Variants in DISC1 observed in about 807,000 individuals in gnomAD.
DISC1 encodes disrupted in schizophrenia 1 protein.
In DISC1, 57 loss-of-function variants were observed where a neutral mutation model predicts 84.5. The ratio of observed to expected loss-of-function variants is 0.67; its 90% CI spans 0.55 to 0.84. DISC1 has a LOEUF of 0.84. Among genes scored for constraint, DISC1 ranks in the 40% least tolerant of loss-of-function variants. DISC1 has a pLI of 0.00. For missense variants in DISC1, 1,000 were observed against 1,057.8 expected (o/e 0.95, Z 0.76); for synonymous variants, 411 against 415.2 (o/e 0.99, Z 0.12).
At chr1:231,769,994 G>T (rs1573664727) in intron 5 of DISC1, among the ~76,000 whole-genome samples, 1 of 152,128 alleles carries the variant, frequency 6.6e-6, no homozygotes, top group Non-Finnish European at 1.5e-5. Context: ...CTTGAAGTGG[G>T]TTCAGGAGGT....
At chr1:231,913,176 A>G (rs2089382628) in intron 9 of DISC1, among the ~76,000 whole-genome samples, 1 of 152,122 alleles carries the variant, frequency 6.6e-6, no homozygotes, top group Admixed American at 6.5e-5. Flanking sequence ...CTTCCCAAAA[A>G]AGCATCTTGT....
At position 231,675,517 on chromosome 1, in the gene DISC1, C is replaced by G. The variant is rs2063055418; in HGVS notation, c.68-18309C>G. Among the ~76,000 whole-genome samples, 1 of 152,162 alleles carries G rather than the reference C, an allele frequency of 6.6e-6. No individual in the cohort carries two copies. Among genetic ancestry groups the G allele is most frequent in the African/African-American group, 2.4e-5 (1 of 41,428 alleles). On this transcript the variant is annotated intron_variant, in intron 1 of 12. Coordinates refer to ENST00000439617, the MANE Select transcript of DISC1 (RefSeq NM_018662.3). The surrounding 1 kb of genome is among the most constrained non-coding windows in gnomAD (Gnocchi z 4.1). ...AGATAGAGATGCTATTTGTACATTT[C>G]TCCCTCATACATGTACATTTACTCT...
chr1:231,878,652 T>C (rs927368569), intron 9 of DISC1, among the ~76,000 whole-genome samples: 4 of 151,940 alleles, frequency 2.6e-5, no homozygotes, highest in Non-Finnish European at 2.9e-5. Flanking sequence ...TTTACTGGAG[T>C]GTAATATGCA....
chr1:231,912,486 C>T (rs2089287810), intron 9 of DISC1, among the ~76,000 whole-genome samples: 1 of 152,128 alleles, frequency 6.6e-6, no homozygotes, highest in African/African-American at 2.4e-5. Context: ...GCAGAGGCTG[C>T]AGAACAGCAA....
intron 9 of DISC1, among the ~76,000 whole-genome samples, chr1:231,833,419 C>T (rs987970119): frequency 6.6e-6 from 1 of 151,628 alleles, no homozygotes; most frequent in Non-Finnish European, 1.5e-5. Flanking sequence ...ACCCAAATCT[C>T]GGCATCCATG....
intron 9 of DISC1, among the ~76,000 whole-genome samples, chr1:231,850,513 CAG>C (rs1394545583): frequency 2.0e-5 from 3 of 152,196 alleles, no homozygotes; most frequent in African/African-American, 7.2e-5. Context: ...TAGAACCTGA[CAG>C]GGAATGTTCT....
intron 9 of DISC1, among the ~76,000 whole-genome samples, chr1:231,921,237 G>C (rs763324023): frequency 6.6e-6 from 1 of 152,058 alleles, no homozygotes; most frequent in African/African-American, 2.4e-5. Flanking sequence ...TCTTTGCTTG[G>C]GCACTGGCTC....
intron 6 of DISC1, among the ~76,000 whole-genome samples, chr1:231,778,961 C>G (rs1052116526): frequency 1.3e-5 from 2 of 152,114 alleles, no homozygotes; most frequent in Admixed American, 6.5e-5. Flanking sequence ...GTAGCTTAGA[C>G]ATAACAACAG....
In DISC1 at chr1:231,693,831, C is replaced by G; in HGVS notation, c.73C>G (p.Arg25Gly). ...GGGVSHRAGS[R>G]DCLPPAACFR... ...GTTTTTTCTTTTCTTCCCAGGCAGC[C>G]GGGATTGCTTACCACCTGCAGCGTG... Residue 25 changes from arginine to glycine, a missense_variant, in exon 2 of 13, where the codon CGG becomes GGG. Physicochemically the swap from Arg to Gly is moderately radical, Grantham distance 125. Transcript: ENST00000439617. The G allele has an allele frequency of 6.2e-7, 1 of 1,613,464 alleles. No homozygotes were observed.
chr1:231,871,083 C>T (rs532929574), intron 9 of DISC1, among the ~76,000 whole-genome samples: 3 of 152,238 alleles, frequency 2.0e-5, no homozygotes, highest in South Asian at 2.1e-4. Flanking sequence ...GTGCGGGTCT[C>T]CACTTCTCAA....
intron 10 of DISC1, among the ~76,000 whole-genome samples, chr1:231,990,826 C>T (rs1665104496): frequency 6.6e-6 from 1 of 152,222 alleles, no homozygotes; most frequent in South Asian, 2.1e-4. Flanking sequence ...TTTCCCTTCT[C>T]CTGCTCCTAA....
chr1:231,878,755 C>A (rs1250028970), intron 9 of DISC1, among the ~76,000 whole-genome samples: 1 of 152,094 alleles, frequency 6.6e-6, no homozygotes, highest in Non-Finnish European at 1.5e-5. Context: ...ACATTATTAA[C>A]CCCCCAAAAG....
At chr1:231,841,110 C>A (rs2083022807) in intron 9 of DISC1, among the ~76,000 whole-genome samples, 1 of 152,072 alleles carries the variant, frequency 6.6e-6, no homozygotes, top group Non-Finnish European at 1.5e-5. Flanking sequence ...AGGAAAAGCT[C>A]ATAGAAGCAT....
At chr1:231,881,322 A>G (rs1424504470) in intron 9 of DISC1, among the ~76,000 whole-genome samples, 1 of 152,152 alleles carries the variant, frequency 6.6e-6, no homozygotes, top group Admixed American at 6.5e-5. Flanking sequence ...GAAGTCTGAG[A>G]CCAAGGCGAT....
chr1:231,678,608 T>TA (rs2063381514), intron 1 of DISC1, among the ~76,000 whole-genome samples: 1 of 152,200 alleles, frequency 6.6e-6, no homozygotes, highest in Non-Finnish European at 1.5e-5. Flanking sequence ...GGGGTAGAGA[T>TA]AGGCTTAAGG....
Position 231,800,168 on chromosome 1 carries a change from C to G in DISC1, c.1750C>G (p.Gln584Glu), listed in dbSNP as rs771243765. The G allele has an allele frequency of 8.7e-6, 14 of 1,611,706 alleles. No individual in the cohort carries two copies. The highest frequency in any genetic ancestry group is 1.1e-5 in the Non-Finnish European group (13 of 1,179,672). ...LRKKVNDIET[Q>E]LPALLEAKMH... is the part of the protein sequence containing the mutation. ...GAAGAAAGTTAACGATATTGAAACCCAACTACCAGCCTTGCTTGAAGCCAA... is the reference window on the plus strand; with the variant it reads ...GAAGAAAGTTAACGATATTGAAACCGAACTACCAGCCTTGCTTGAAGCCAA... The change falls in exon 8 of 13, where the codon CAA becomes GAA. Residue 584 changes from glutamine to glutamate, a missense_variant. This residue lies in a region of DISC1 where 397 missense variants were observed against 377.5 expected (regional missense o/e 1.05). Coordinates refer to ENST00000439617, the MANE Select transcript of DISC1 (RefSeq NM_018662.3).
At chr1:231,968,669 A>G (rs150791901) in intron 10 of DISC1, among the ~76,000 whole-genome samples, 76 of 151,678 alleles carry the variant, frequency 5.0e-4, no homozygotes, top group Middle Eastern at 3.5e-3. Context: ...CTGTTTCCCT[A>G]TGTAATGAAG....
intron 9 of DISC1, among the ~76,000 whole-genome samples, chr1:231,895,946 C>T (rs1459930902): frequency 2.0e-5 from 3 of 152,170 alleles, no homozygotes; most frequent in Non-Finnish European, 4.4e-5. Flanking sequence ...GTCTAGAACA[C>T]GTCACAGTTC....
At chr1:231,746,318 A>T (rs2073974288) in intron 3 of DISC1, among the ~76,000 whole-genome samples, 1 of 152,202 alleles carries the variant, frequency 6.6e-6, no homozygotes, top group South Asian at 2.1e-4. Context: ...TTCATTGTGG[A>T]TATATACCAC....
Sources: allele counts gnomAD v4.1 joint callset (sites outside exome capture counted in the v4.1 genomes callset), GRCh38; gene constraint gnomAD v4.1.1; regional missense constraint gnomAD v4.1.1; non-coding constraint Gnocchi (gnomAD v3.1); transcripts MANE v1.5; gene names NCBI Gene and HGNC (gene_info 2026-07-23, HGNC 2026-07-21).